The following DDX42 variants were observed in gnomAD, a reference collection of about 807,000 sequenced individuals.
DDX42 encodes DEAD-box helicase 42.
Under a neutral mutation model 101.5 loss-of-function variants are expected in DDX42, and 22 were observed. The observed-to-expected ratio is 0.22, with a 90% confidence interval of 0.15 to 0.31. DDX42 has a LOEUF of 0.31. Ranked by LOEUF, DDX42 falls within the 10% of genes least tolerant of loss-of-function variation. DDX42 has a pLI of 1.00. For synonymous variants in DDX42, 402 were observed against 401.2 expected (o/e 1.00, Z -0.02); for missense variants, 849 against 1,199.9 (o/e 0.71, Z 4.32).
chr17:63,782,105 C>T (rs1365414486), intron 1 of DDX42, among the ~76,000 whole-genome samples: 1 of 152,128 alleles, frequency 6.6e-6, no homozygotes, highest in African/African-American at 2.4e-5. Context: ...ATGGTGAAAC[C>T]TGTCTCTACT....
intron 1 of DDX42, among the ~76,000 whole-genome samples, chr17:63,784,269 A>G (rs1032942443): frequency 6.6e-6 from 1 of 152,216 alleles, no homozygotes; most frequent in African/African-American, 2.4e-5. Flanking sequence ...GTGGAAATTA[A>G]AATTAAAGTA....
chr17:63,786,135 C>T (rs1214727216), intron 1 of DDX42, among the ~76,000 whole-genome samples: 1 of 152,106 alleles, frequency 6.6e-6, no homozygotes, highest in Non-Finnish European at 1.5e-5. Flanking sequence ...ATACTGAGAT[C>T]CCAATAAAAT....
intron 1 of DDX42, among the ~76,000 whole-genome samples, chr17:63,783,287 A>T (rs1278366628): frequency 6.6e-6 from 1 of 152,200 alleles, no homozygotes; most frequent in Non-Finnish European, 1.5e-5. Flanking sequence ...AGCTTTCAGT[A>T]AACCATTGAA....
At chr17:63,815,817 C>T (rs1010633210) in intron 16 of DDX42, 144 bp downstream of exon 16, 11 of 456,786 alleles carry the variant, frequency 2.4e-5, no homozygotes, top group African/African-American at 1.4e-4. Flanking sequence ...TGATTTGAGT[C>T]AATGCAGTGC....
At position 63,800,490 on chromosome 17, in the gene DDX42, C is replaced by T; in HGVS notation, c.494C>T (p.Ala165Val). Residue 165 changes from alanine (A) to valine (V), a missense_variant, in exon 6 of 18, where the codon GCA (alanine) becomes GTA (valine). Ala to Val is a moderately conservative substitution (Grantham distance 64). Transcript: ENST00000389924. Reference sequence around the variant, plus strand: ...CAGGAAGCTTATTTTCGATACATGGCAGAAAACCCAACTGCTGGTGTGGTT... The same window carrying T: ...CAGGAAGCTTATTTTCGATACATGGTAGAAAACCCAACTGCTGGTGTGGTT... The part of the protein sequence containing the change: ...DDQEAYFRYM[A>V]ENPTAGVVQE... 6.2e-7 allele frequency: 1 copy of T among 1,613,664 alleles called. No homozygotes were observed. The highest frequency in any genetic ancestry group is 8.5e-7 in the Non-Finnish European group (1 of 1,179,826).
intron 11 of DDX42, 69 bp downstream of exon 11, chr17:63,809,728 A>G (rs1598340726): frequency 3.8e-6 from 5 of 1,315,388 alleles, no homozygotes; most frequent in South Asian, 1.2e-5. Flanking sequence ...ATGTCTTTCT[A>G]GACTGTTTTT....
At chr17:63,804,814 A>G (rs373307992) in intron 6 of DDX42, among the ~76,000 whole-genome samples, 1 of 152,200 alleles carries the variant, frequency 6.6e-6, no homozygotes, top group Non-Finnish European at 1.5e-5. Context: ...GCACCACTGC[A>G]CTACAGCCTG....
In DDX42 at chr17:63,809,677, G is replaced by A; in HGVS notation, c.1252+18G>A. The A allele has an allele frequency of 6.3e-7, 1 of 1,581,664 alleles. No homozygotes were observed. Among genetic ancestry groups the A allele is most frequent in the Non-Finnish European group, 8.7e-7 (1 of 1,150,356 alleles). ...GGGATTTGGTATGCCTTGAATACCA[G>A]TTTCTTCTGTCCCCATCCTCATGAT... On this transcript the variant is annotated intron_variant, in intron 11 of 17. Transcript: ENST00000389924.
intron 1 of DDX42, among the ~76,000 whole-genome samples, chr17:63,777,672 TCTC>T (rs2039437670): frequency 6.6e-6 from 1 of 151,806 alleles, no homozygotes; most frequent in African/African-American, 2.4e-5. Context: ...ATTGTCTCGA[TCTC>T]CTGACTTCGT....
intron 10 of DDX42, 90 bp downstream of exon 10, chr17:63,809,038 G>A: frequency 1.3e-6 from 2 of 1,536,872 alleles, no homozygotes; most frequent in Admixed American, 2.0e-5. Context: ...CTAAAGTGTG[G>A]TAAAAGCAGG....
At chr17:63,780,311 A>C (rs889266408) in intron 1 of DDX42, among the ~76,000 whole-genome samples, 2 of 152,106 alleles carry the variant, frequency 1.3e-5, no homozygotes, top group Non-Finnish European at 2.9e-5. Flanking sequence ...ACAAAAAAAA[A>C]AAAAAGTAGG....
In DDX42 at chr17:63,818,764, T is replaced by C. The variant is rs1046412689; in HGVS notation, c.*366T>C. 5.7e-6 allele frequency: 1 copy of C among 174,784 alleles called. No homozygotes were observed. The highest frequency in any genetic ancestry group is 1.2e-5 in the Non-Finnish European group (1 of 80,562). The allele number at this position is 174,784 out of a possible 1,614,324, so 10.8% of individuals were successfully genotyped here. On this transcript the variant is annotated 3_prime_UTR_variant, in exon 18 of 18. Coordinates refer to ENST00000389924, the MANE Select transcript of DDX42 (RefSeq NM_203499.3). ...TGTCACCTTATAAGCATCTATAAAT[T>C]GACTTCTTTTTCTTAGTTGTATGGC...
intron 2 of DDX42, among the ~76,000 whole-genome samples, chr17:63,790,454 G>A (rs57058548): frequency 6.6e-6 from 1 of 151,532 alleles, no homozygotes; most frequent in Non-Finnish European, 1.5e-5. Context: ...GTGAAACCCC[G>A]TCTCTACTAA....
chr17:63,776,198 A>G (rs897464085), intron 1 of DDX42: 1 of 152,250 alleles, frequency 6.6e-6, no homozygotes, highest in African/African-American at 2.4e-5. Context: ...AGTCATTTAG[A>G]TCATATCTTA....
At chr17:63,804,818 C>T (rs959904130) in intron 6 of DDX42, among the ~76,000 whole-genome samples, 4 of 152,132 alleles carry the variant, frequency 2.6e-5, no homozygotes, top group Non-Finnish European at 5.9e-5. Flanking sequence ...CACTGCACTA[C>T]AGCCTGGGTG....
At chr17:63,810,654 C>A in intron 12 of DDX42, 94 bp downstream of exon 12, 1 of 1,265,294 alleles carries the variant, frequency 7.9e-7, no homozygotes, top group South Asian at 1.2e-5. Flanking sequence ...TAAAAATGAT[C>A]TTGTGTCTGT....
At chr17:63,810,599 A>G (rs994754742) in intron 12 of DDX42, 39 bp downstream of exon 12, 6 of 1,586,728 alleles carry the variant, frequency 3.8e-6, no homozygotes, top group Non-Finnish European at 2.6e-6. Context: ...AATTTGTACT[A>G]AAAAGGGCAC....
At chr17:63,799,199 T>C (rs756593580) in intron 4 of DDX42, among the ~76,000 whole-genome samples, 16 of 152,340 alleles carry the variant, frequency 1.1e-4, no homozygotes, top group East Asian at 3.8e-4. Flanking sequence ...TTGTGACCTT[T>C]CTAGTATATG....
In DDX42 at chr17:63,819,054, C is replaced by T. The variant is rs773733856; in HGVS notation, c.*656C>T. On this transcript the variant is annotated 3_prime_UTR_variant, in exon 18 of 18. Coordinates refer to ENST00000389924, the MANE Select transcript of DDX42 (RefSeq NM_203499.3). ...CCTGGTAACTGTTCCAGGATTGCTCCAGGTTTGAGATGGTATTGCTAAATT... is the reference window on the plus strand; with the variant it reads ...CCTGGTAACTGTTCCAGGATTGCTCTAGGTTTGAGATGGTATTGCTAAATT... The T allele has an allele frequency of 7.2e-5, 11 of 152,362 alleles. No homozygotes were observed. Among genetic ancestry groups the T allele is most frequent in the Non-Finnish European group, 1.5e-4 (10 of 68,070 alleles). 9.4% of individuals were successfully genotyped at this position (152,362 alleles called of 1,614,324 possible). A position where few individuals can be genotyped will look rare whatever the true frequency, so the allele number is the denominator to read the frequency against.
Sources: allele counts gnomAD v4.1 joint callset (sites outside exome capture counted in the v4.1 genomes callset), GRCh38; gene constraint gnomAD v4.1.1; transcripts MANE v1.5; gene names NCBI Gene and HGNC (gene_info 2026-07-23, HGNC 2026-07-21).